SCAPER: variants seen among roughly 807,000 people sequenced by gnomAD.
The protein encoded by SCAPER is S phase cyclin A-associated protein in the endoplasmic reticulum.
A neutral mutation model predicts 182.2 loss-of-function variants in SCAPER; 98 were observed. The ratio of observed to expected loss-of-function variants is 0.54; its 90% confidence interval spans 0.46 to 0.64. The LOEUF is 0.64. Among genes scored for constraint, SCAPER ranks in the 30% least tolerant of loss-of-function variants. SCAPER has a pLI of 0.00. For missense variants in SCAPER, 1,432 were observed against 1,690.0 expected, an observed-to-expected ratio of 0.85 and a Z score of 2.68; for synonymous variants, 605 against 564.6, an observed-to-expected ratio of 1.07 and a Z score of -1.01.
At chr15:76,718,463 C>T (rs768550733) in intron 17 of SCAPER, among the ~76,000 whole-genome samples, 9 of 151,900 alleles carry the variant, frequency 5.9e-5, no homozygotes, top group South Asian at 2.1e-4. Context: ...CAAAAGCGGG[C>T]GGATCACTTG....
At chr15:76,523,887 G>A (rs1020123229) in intron 23 of SCAPER, among the ~76,000 whole-genome samples, 1 of 151,994 alleles carries the variant, frequency 6.6e-6, no homozygotes, top group African/African-American at 2.4e-5. Flanking sequence ...TGTAACTTTG[G>A]TGACTTCACT....
Position 76,575,243 on chromosome 15 carries a change from G to C in SCAPER, c.2712-959C>G, listed in dbSNP as rs2047731910. Among the ~76,000 whole-genome samples, 3 of 152,010 alleles carry C rather than the reference G, an allele frequency of 2.0e-5. No homozygotes were observed. The South Asian group carries it at 6.2e-4, about 32-fold the overall frequency. On this transcript the variant is annotated intron_variant, in intron 22 of 31. Coordinates refer to ENST00000563290, the MANE Select transcript of SCAPER (RefSeq NM_020843.4). ...ATTTCTGAACCTGGCAGGGGTGGGG[G>C]TGTGGGGGGAGTCAGACCATGCAAA...
chr15:76,752,975 T>G (rs756076897), intron 15 of SCAPER, among the ~76,000 whole-genome samples: 2 of 151,752 alleles, frequency 1.3e-5, no homozygotes, highest in Non-Finnish European at 3.0e-5. Context: ...CTGTGTCAAG[T>G]GCTGGTCAGA....
chr15:76,796,685 G>C (rs76704777), intron 7 of SCAPER, among the ~76,000 whole-genome samples: 1 of 152,282 alleles, frequency 6.6e-6, no homozygotes, highest in African/African-American at 2.4e-5. Context: ...TAACGGCTTT[G>C]AGTGTTACAA....
At chr15:76,804,782 T>C (rs2066033048) in intron 5 of SCAPER, 149 bp from the exon 6 acceptor site, 2 of 487,228 alleles carry the variant, frequency 4.1e-6, no homozygotes, top group African/African-American at 4.0e-5. Flanking sequence ...TTTTTTTTCA[T>C]TCTGTTTGGT....
intron 27 of SCAPER, among the ~76,000 whole-genome samples, chr15:76,383,085 G>GGT (rs75365486): frequency 2.7e-5 from 4 of 148,504 alleles, no homozygotes; most frequent in South Asian, 2.1e-4. Context: ...TGTGTGTATA[G>GGT]GTGTGTGTGT....
intron 15 of SCAPER, among the ~76,000 whole-genome samples, chr15:76,744,754 C>G (rs2061708217): frequency 6.6e-6 from 1 of 152,138 alleles, no homozygotes; most frequent in African/African-American, 2.4e-5. Flanking sequence ...AACACAGCTA[C>G]CATTTGACCC....
intron 27 of SCAPER, among the ~76,000 whole-genome samples, chr15:76,399,897 C>T (rs567312303): frequency 2.0e-5 from 3 of 151,192 alleles, no homozygotes; most frequent in South Asian, 2.1e-4. Flanking sequence ...CCCAGCTATT[C>T]GGGAGGCTGA....
chr15:76,496,449 C>T (rs2040549111), intron 24 of SCAPER, among the ~76,000 whole-genome samples: 1 of 152,076 alleles, frequency 6.6e-6, no homozygotes, highest in Non-Finnish European at 1.5e-5. Context: ...ATGAGCGGTA[C>T]TGTTATTTGT....
At chr15:76,528,658 C>A (rs1460529901) in intron 23 of SCAPER, among the ~76,000 whole-genome samples, 1 of 152,332 alleles carries the variant, frequency 6.6e-6, no homozygotes, top group African/African-American at 2.4e-5. Context: ...ACTTGAATAT[C>A]CAAAATAGCT....
chr15:76,401,049 T>C (rs2044419459), intron 27 of SCAPER, among the ~76,000 whole-genome samples: 1 of 151,950 alleles, frequency 6.6e-6, no homozygotes. Context: ...GCAGTTTTTC[T>C]TAGTGGAAAT....
At chr15:76,352,223 A>C (rs1436271638) in intron 30 of SCAPER, among the ~76,000 whole-genome samples, 1 of 152,004 alleles carries the variant, frequency 6.6e-6, no homozygotes, top group Non-Finnish European at 1.5e-5. Context: ...ACTTTTCTCC[A>C]CAGCACTTAT....
At chr15:76,667,643 A>C (rs1253295698) in intron 20 of SCAPER, among the ~76,000 whole-genome samples, 2 of 102,150 alleles carry the variant, frequency 2.0e-5, no homozygotes, top group African/African-American at 4.8e-5. Flanking sequence ...AAAAAAAAAA[A>C]AAAAAAAAAA....
intron 26 of SCAPER, among the ~76,000 whole-genome samples, chr15:76,429,683 T>C (rs895908527): frequency 1.3e-5 from 2 of 151,410 alleles, no homozygotes; most frequent in African/African-American, 4.8e-5. Flanking sequence ...AAGGGGTGAC[T>C]TGGGTGCTGT....
At chr15:76,869,393 G>A (rs1174423164) in intron 2 of SCAPER, among the ~76,000 whole-genome samples, 2 of 152,034 alleles carry the variant, frequency 1.3e-5, no homozygotes, top group Non-Finnish European at 1.5e-5. Flanking sequence ...CAGAACATAT[G>A]AGGAGCTCCA....
chr15:76,460,471 T>C (rs2049079649), intron 25 of SCAPER, among the ~76,000 whole-genome samples: 2 of 152,182 alleles, frequency 1.3e-5, no homozygotes, highest in Non-Finnish European at 1.5e-5. Context: ...GTCTGGGTTT[T>C]TCTAAATATA....
intron 23 of SCAPER, among the ~76,000 whole-genome samples, chr15:76,517,443 G>A (rs914494521): frequency 5.3e-5 from 8 of 150,832 alleles, no homozygotes; most frequent in Non-Finnish European, 1.0e-4. Context: ...TCTGCCTCCC[G>A]GGTTCAAGCC....
intron 20 of SCAPER, among the ~76,000 whole-genome samples, chr15:76,695,052 T>C (rs1726754354): frequency 6.6e-6 from 1 of 152,176 alleles, no homozygotes; most frequent in African/African-American, 2.4e-5. Context: ...TATAAAAACC[T>C]ATAAATTGAT....
chr15:76,780,292 G>A (rs532132902), intron 8 of SCAPER, among the ~76,000 whole-genome samples: 3 of 152,256 alleles, frequency 2.0e-5, no homozygotes, highest in African/African-American at 2.4e-5. Flanking sequence ...AGCAGTCTGA[G>A]ATCCACCTGT....
Sources: allele counts gnomAD v4.1 joint callset (sites outside exome capture counted in the v4.1 genomes callset), GRCh38; gene constraint gnomAD v4.1.1; transcripts MANE v1.5; gene names NCBI Gene and HGNC (gene_info 2026-07-23, HGNC 2026-07-21).